The following SEMA6D variants were observed in gnomAD, a reference collection of about 807,000 sequenced individuals.
The protein encoded by SEMA6D is semaphorin 6D.
Under a neutral mutation model 106.6 loss-of-function variants are expected in SEMA6D, and 35 were observed. The observed-to-expected ratio is 0.33, with a 90% confidence interval of 0.25 to 0.44. The LOEUF (loss-of-function observed/expected upper bound fraction) is 0.44. Ranked by LOEUF, SEMA6D falls within the 20% of genes least tolerant of loss-of-function variation. The probability of loss-of-function intolerance (pLI) is 1.00; values close to 1 mark genes in which losing one functional copy is unlikely to be tolerated. For synonymous variants in SEMA6D, 499 were observed against 487.7 expected, an observed-to-expected ratio of 1.02 and a Z score of -0.31; for missense variants, 1,185 against 1,345.9, an observed-to-expected ratio of 0.88 and a Z score of 1.87.
chr15:47,668,458 T>C lies in SEMA6D; in HGVS notation c.-55+67562T>C, dbSNP rs180957471. ...AGAGCTGCGTAATATATGAGCTCTA[T>C]TCTGCTCCTAGCTGCTTACCCTGGT... On this transcript the variant is annotated intron_variant, in intron 4 of 19. Coordinates refer to the SEMA6D transcript ENST00000558014. Among the ~76,000 whole-genome samples the C allele has an allele frequency of 3.9e-5, 6 of 152,332 alleles. No homozygotes were observed. In the East Asian group the frequency reaches 1.2e-3, roughly 29 times the overall value.
intron 3 of SEMA6D, among the ~76,000 whole-genome samples, chr15:47,567,242 C>CA (rs1480432356): frequency 6.6e-6 from 1 of 152,048 alleles, no homozygotes; most frequent in Non-Finnish European, 1.5e-5. Context: ...CATGATAAAA[C>CA]AAAAAGGATG....
chr15:47,264,066 A>AC (rs2034202125), intron 1 of SEMA6D, among the ~76,000 whole-genome samples: 1 of 151,912 alleles, frequency 6.6e-6, no homozygotes, highest in South Asian at 2.1e-4. Context: ...GAAGCTGGAG[A>AC]CCATTATCCT....
intron 1 of SEMA6D, among the ~76,000 whole-genome samples, chr15:47,734,053 G>T (rs867672729): frequency 1.3e-5 from 2 of 152,298 alleles, no homozygotes; most frequent in Middle Eastern, 6.8e-3. Flanking sequence ...AGACTTGTTT[G>T]TGATGGGGTG....
chr15:47,662,992 T>C (rs1192874296), intron 4 of SEMA6D, among the ~76,000 whole-genome samples: 9 of 152,136 alleles, frequency 5.9e-5, no homozygotes, highest in Admixed American at 5.9e-4. Context: ...CTATACTACA[T>C]GTTGGCAAGA....
intron 3 of SEMA6D, among the ~76,000 whole-genome samples, chr15:47,518,036 A>G (rs1426339597): frequency 6.6e-6 from 1 of 152,180 alleles, no homozygotes; most frequent in Non-Finnish European, 1.5e-5. Flanking sequence ...TTTGACAAGT[A>G]CTGTGTCCTG....
chr15:47,338,150 A>C (rs673406), intron 1 of SEMA6D, among the ~76,000 whole-genome samples: 50,701 of 152,170 alleles, frequency 0.33, 9,894 homozygotes, highest in East Asian at 0.55. Flanking sequence ...AGTAGCAATT[A>C]AAATGTCCCT....
intron 1 of SEMA6D, among the ~76,000 whole-genome samples, chr15:47,364,595 A>G (rs1018213667): frequency 5.9e-5 from 9 of 152,326 alleles, no homozygotes; most frequent in African/African-American, 2.2e-4. Flanking sequence ...ATAGAATGCA[A>G]CATAGAATCC....
chr15:47,702,843 T>C (rs906879662), intron 4 of SEMA6D, among the ~76,000 whole-genome samples: 1 of 151,664 alleles, frequency 6.6e-6, no homozygotes, highest in Non-Finnish European at 1.5e-5. Context: ...AGATCAGGGG[T>C]TGAGAGGGGA....
chr15:47,543,556 T>C (rs761005832), intron 3 of SEMA6D, among the ~76,000 whole-genome samples: 4 of 152,156 alleles, frequency 2.6e-5, no homozygotes, highest in Non-Finnish European at 5.9e-5. Flanking sequence ...CTCAGGTATG[T>C]CTTTATTAGC....
At chr15:47,363,497 C>T (rs889759804) in intron 1 of SEMA6D, among the ~76,000 whole-genome samples, 4 of 152,100 alleles carry the variant, frequency 2.6e-5, no homozygotes, top group Admixed American at 1.3e-4. Flanking sequence ...GACCCTTCTC[C>T]GCACAGGTGA....
At chr15:47,630,018 C>T (rs2077266542) in intron 4 of SEMA6D, among the ~76,000 whole-genome samples, 1 of 151,788 alleles carries the variant, frequency 6.6e-6, no homozygotes, top group Non-Finnish European at 1.5e-5. Flanking sequence ...CATGTGAGTA[C>T]ACCTATCATT....
intron 1 of SEMA6D, among the ~76,000 whole-genome samples, chr15:47,403,583 G>A (rs984965146): frequency 5.3e-5 from 8 of 152,146 alleles, no homozygotes; most frequent in Non-Finnish European, 7.3e-5. Context: ...TGATGAATGC[G>A]CAAACAAAGG....
Position 47,563,850 on chromosome 15 carries a change from T to G in SEMA6D, c.-86-37015T>G, listed in dbSNP as rs1490357559. 5.3e-5 allele frequency among the ~76,000 whole-genome samples: 8 copies of G among 152,216 alleles called. No individual in the cohort carries two copies. In the East Asian group the frequency reaches 1.5e-3, roughly 29 times the overall value. On this transcript the variant is annotated intron_variant, in intron 3 of 19. Transcript: ENST00000558014. The stretch of plus-strand genomic sequence containing the variant: ...CATAAACAGCCACACAGCTGGTGCC[T>G]TTCCCAAAGATAACTCTTCGGCCAA...
Position 47,254,875 on chromosome 15 carries a change from T to TTTTGTGTGTGTG in SEMA6D, c.-239+70458_-239+70459insTTGTGTGTGTGT, listed in dbSNP as rs1555411185. Among the ~76,000 whole-genome samples, 206 of 134,404 alleles carry TTTTGTGTGTGTG rather than the reference T, an allele frequency of 1.5e-3. 3 individuals carry two copies. The highest frequency in any genetic ancestry group is 4.9e-3 in the African/African-American group (176 of 35,594). The allele number at this position is 134,404 out of a possible 152,430, so 88.2% of individuals were successfully genotyped here. The stretch of plus-strand genomic sequence containing the variant: ...TCATCAGGGATATTGACCTGTGGTT[T>TTTTGTGTGTGTG]TGTGTGTGTGTGTGTGTGTGTGTGT... On this transcript the variant is annotated intron_variant, in intron 1 of 19. Transcript: ENST00000558014.
At chr15:47,253,001 T>C (rs2033606859) in intron 1 of SEMA6D, among the ~76,000 whole-genome samples, 1 of 152,160 alleles carries the variant, frequency 6.6e-6, no homozygotes, top group African/African-American at 2.4e-5. Flanking sequence ...TGTATTAATC[T>C]ACATTCCCAC....
intron 1 of SEMA6D, among the ~76,000 whole-genome samples, chr15:47,348,722 A>AC (rs764805356): frequency 0.15 from 5,137 of 33,790 alleles, 186 homozygotes; most frequent in Middle Eastern, 0.26. Flanking sequence ...CACACACCAC[A>AC]CACACAGAGA....
At chr15:47,680,958 G>T (rs763657694) in intron 4 of SEMA6D, among the ~76,000 whole-genome samples, 5 of 152,140 alleles carry the variant, frequency 3.3e-5, no homozygotes, top group Non-Finnish European at 7.4e-5. Flanking sequence ...GAGGATTTAG[G>T]GAAATTGAAA....
chr15:47,719,451 A>G (rs2146269490), intron 1 of SEMA6D, among the ~76,000 whole-genome samples: 1 of 152,234 alleles, frequency 6.6e-6, no homozygotes, highest in East Asian at 1.9e-4. Flanking sequence ...GAGTAGGACG[A>G]TTTTTCCCCA....
intron 1 of SEMA6D, among the ~76,000 whole-genome samples, chr15:47,222,594 A>G (rs1473653616): frequency 6.6e-6 from 1 of 152,168 alleles, no homozygotes; most frequent in African/African-American, 2.4e-5. Context: ...ATTCTGTACC[A>G]TCAAGAAGGT....
Sources: allele counts gnomAD v4.1 joint callset (sites outside exome capture counted in the v4.1 genomes callset), GRCh38; gene constraint gnomAD v4.1.1; transcripts MANE v1.5; gene names NCBI Gene and HGNC (gene_info 2026-07-23, HGNC 2026-07-21).